CNTN5: variants seen among roughly 807,000 people sequenced by gnomAD.
CNTN5 encodes contactin 5.
In CNTN5, 77 loss-of-function variants were observed where a neutral mutation model predicts 129.1. The ratio of observed to expected loss-of-function variants is 0.60; its 90% CI spans 0.50 to 0.72. The LOEUF (loss-of-function observed/expected upper bound fraction) is 0.72, where lower values mean the gene tolerates loss of function less well. Among genes scored for constraint, CNTN5 ranks in the 30% least tolerant of loss-of-function variants. The probability of loss-of-function intolerance (pLI) is 0.00; values close to 1 mark genes in which losing one functional copy is unlikely to be tolerated. For synonymous variants in CNTN5, 509 were observed against 465.6 expected (o/e 1.09, Z -1.20); for missense variants, 1,478 against 1,328.8 (o/e 1.11, Z -1.75).
chr11:100,084,602 TATAAC>T (rs1485582717), intron 13 of CNTN5, among the ~76,000 whole-genome samples: 1 of 152,042 alleles, frequency 6.6e-6, no homozygotes, highest in Non-Finnish European at 1.5e-5. Flanking sequence ...TTCCATGAAA[TATAAC>T]ATATACAGAT....
intron 15 of CNTN5, among the ~76,000 whole-genome samples, chr11:100,214,095 G>A (rs1949090421): frequency 6.6e-6 from 1 of 151,972 alleles, no homozygotes; most frequent in Non-Finnish European, 1.5e-5. Context: ...TTGTGAAAAA[G>A]TTTGAAAGAT....
intron 1 of CNTN5, among the ~76,000 whole-genome samples, chr11:99,150,260 C>T (rs1417397951): frequency 1.3e-5 from 2 of 151,974 alleles, no homozygotes; most frequent in East Asian, 3.9e-4. Context: ...AGGTTCACAG[C>T]TCATTTGAAA....
At chr11:99,950,408 T>G (rs1007962564) in intron 7 of CNTN5, among the ~76,000 whole-genome samples, 1 of 152,146 alleles carries the variant, frequency 6.6e-6, no homozygotes, top group Non-Finnish European at 1.5e-5. Context: ...GTGAACCTGG[T>G]AGGCGGAGCT....
At chr11:99,631,621 T>G (rs1951353499) in intron 3 of CNTN5, among the ~76,000 whole-genome samples, 1 of 151,882 alleles carries the variant, frequency 6.6e-6, no homozygotes, top group Non-Finnish European at 1.5e-5. Context: ...TTTTTAGTAA[T>G]ATCATGTCAG....
rs531011928 is a variant in CNTN5, at chr11:99,466,100, C to T, written c.-70-90045C>T. ...GGTTTCACCGTGTTAGCCAGGATGG[C>T]CTCGATCTCCTGACCTCGTGATCCA... On this transcript the variant is annotated intron_variant, in intron 2 of 24. Coordinates refer to ENST00000524871, the MANE Select transcript of CNTN5 (RefSeq NM_014361.4). Among the ~76,000 whole-genome samples, 188 of 151,932 alleles carry T rather than the reference C, an allele frequency of 1.2e-3. 1 individual carries two copies. Among genetic ancestry groups the T allele is most frequent in the Admixed American group, 5.7e-3 (87 of 15,256 alleles).
intron 9 of CNTN5, among the ~76,000 whole-genome samples, chr11:100,048,835 A>G (rs964149320): frequency 1.3e-5 from 2 of 152,124 alleles, no homozygotes; most frequent in Admixed American, 1.3e-4. Flanking sequence ...ACAGATCTCC[A>G]ACGCTCAATG....
chr11:99,429,854 G>A (rs772669701), intron 2 of CNTN5, among the ~76,000 whole-genome samples: 9 of 151,818 alleles, frequency 5.9e-5, no homozygotes, highest in Non-Finnish European at 1.0e-4. Context: ...CGCCCCCATA[G>A]TAACAACTAT....
At chr11:99,905,352 G>T (rs1257781011) in intron 6 of CNTN5, among the ~76,000 whole-genome samples, 1 of 152,088 alleles carries the variant, frequency 6.6e-6, no homozygotes, top group Non-Finnish European at 1.5e-5. Context: ...TCAGTTTTCT[G>T]CATATGGCTA....
rs946056735 is a variant in CNTN5 at position 99,683,343 on chromosome 11, G to A, written c.55+127074G>A. Among the ~76,000 whole-genome samples, 2 of 151,740 alleles carry A rather than the reference G, an allele frequency of 1.3e-5. 1 individual carries two copies. Among genetic ancestry groups the A allele is most frequent in the Admixed American group, 1.3e-4 (2 of 15,208 alleles). On this transcript the variant is annotated intron_variant, in intron 3 of 24. Transcript: ENST00000524871. ...ATTTGAGGTAGGAATTAAGTTTTAT[G>A]TTTTCCATATGGATATGCAACTAAT... is the stretch of plus-strand genomic sequence containing the variant.
intron 1 of CNTN5, among the ~76,000 whole-genome samples, chr11:99,178,946 A>G (rs1300324539): frequency 2.0e-5 from 3 of 152,168 alleles, no homozygotes; most frequent in Non-Finnish European, 4.4e-5. Context: ...ATTTAAATAG[A>G]AACAACTATG....
At chr11:99,439,970 T>A (rs895947143) in intron 2 of CNTN5, among the ~76,000 whole-genome samples, 2 of 152,150 alleles carry the variant, frequency 1.3e-5, no homozygotes, top group Middle Eastern at 3.4e-3. Flanking sequence ...ACAATATGGA[T>A]CATTCGAATA....
intron 2 of CNTN5, among the ~76,000 whole-genome samples, chr11:99,479,850 C>T (rs182040715): frequency 2.0e-5 from 3 of 151,478 alleles, no homozygotes; most frequent in Admixed American, 6.6e-5. Context: ...TTTTAGTTGG[C>T]TGACACATTT....
intron 3 of CNTN5, among the ~76,000 whole-genome samples, chr11:99,751,504 A>G (rs956339284): frequency 4.6e-5 from 7 of 152,204 alleles, no homozygotes; most frequent in Non-Finnish European, 7.3e-5. Context: ...AATTTATTCA[A>G]TAATTTATAT....
chr11:99,283,975 A>T (rs1420037073), intron 1 of CNTN5, among the ~76,000 whole-genome samples: 12 of 152,190 alleles, frequency 7.9e-5, no homozygotes, highest in African/African-American at 2.9e-4. Context: ...AAACATATGC[A>T]TCTGATCTTC....
In CNTN5 at chr11:99,274,395, C is replaced by T. The variant is rs190925998; in HGVS notation, c.-209-50951C>T. On this transcript the variant is annotated intron_variant, in intron 1 of 24. Transcript: ENST00000524871. ...TTTAACAGAGCATTGTACCAGTGTT[C>T]AGAGATACTAAAAATCTGGCTTGCT... 6.6e-5 allele frequency among the ~76,000 whole-genome samples: 10 copies of T among 151,612 alleles called. No individual in the cohort carries two copies. The East Asian group carries it at 1.4e-3, about 21-fold the overall frequency.
chr11:100,100,296 T>C (rs1164302504), intron 13 of CNTN5, among the ~76,000 whole-genome samples: 1 of 152,092 alleles, frequency 6.6e-6, no homozygotes, highest in East Asian at 1.9e-4. Context: ...TCCAGAAAAA[T>C]ACCAAACACA....
chr11:99,028,746 G>C (rs777467841), intron 1 of CNTN5, among the ~76,000 whole-genome samples: 32 of 151,798 alleles, frequency 2.1e-4, no homozygotes, highest in Non-Finnish European at 4.0e-4. Flanking sequence ...GGAAAAAAAT[G>C]CCATTTCTAT....
intron 21 of CNTN5, among the ~76,000 whole-genome samples, chr11:100,331,191 T>G (rs1445885757): frequency 6.6e-6 from 1 of 151,994 alleles, no homozygotes; most frequent in Admixed American, 6.6e-5. Flanking sequence ...TATTCTTATA[T>G]CAGACAAAAC....
At chr11:99,706,147 G>A (rs868771983) in intron 3 of CNTN5, among the ~76,000 whole-genome samples, 1 of 151,408 alleles carries the variant, frequency 6.6e-6, no homozygotes, top group Non-Finnish European at 1.5e-5. Flanking sequence ...ATCAATAAAA[G>A]AGGGACTAGA....
Sources: allele counts gnomAD v4.1 joint callset (sites outside exome capture counted in the v4.1 genomes callset), GRCh38; gene constraint gnomAD v4.1.1; transcripts MANE v1.5; gene names NCBI Gene and HGNC (gene_info 2026-07-23, HGNC 2026-07-21).